MAST4: variants seen among roughly 807,000 people sequenced by gnomAD.
MAST4 encodes microtubule associated serine/threonine kinase family member 4.
In MAST4, 89 loss-of-function variants were observed where a neutral mutation model predicts 162.7. The observed-to-expected ratio is 0.55, with a 90% CI of 0.46 to 0.65. The LOEUF (loss-of-function observed/expected upper bound fraction) is 0.65, where lower values mean the gene tolerates loss of function less well. MAST4 is among the 30% of genes least tolerant of loss of function. The pLI is 0.00. For missense variants in MAST4, 3,153 were observed against 3,374.0 expected, an observed-to-expected ratio of 0.93 and a Z score of 1.62; for synonymous variants, 1,479 against 1,361.1, an observed-to-expected ratio of 1.09 and a Z score of -1.91.
At chr5:66,840,361 CAAGATTGATTT>C (rs1211863845) in intron 3 of MAST4, among the ~76,000 whole-genome samples, 1 of 152,022 alleles carries the variant, frequency 6.6e-6, no homozygotes, top group Non-Finnish European at 1.5e-5. Context: ...TATATTGATT[CAAGATTGATTT>C]GACTCTATTT....
Position 67,021,475 on chromosome 5 carries a change from A to C in MAST4, c.675-32929A>C, listed in dbSNP as rs190634011. ...AATACGCTAAAAAAAAATCATTACA[A>C]ATTGCAAATACCATATTTAGCAAGG... On this transcript the variant is annotated intron_variant, in intron 4 of 28. Transcript: ENST00000403625. Among the ~76,000 whole-genome samples, 26 of 152,344 alleles carry C rather than the reference A, an allele frequency of 1.7e-4. 1 individual carries two copies. The highest frequency in any genetic ancestry group is 6.0e-4 in the African/African-American group (25 of 41,578).
chr5:67,011,872 G>T lies in MAST4; in HGVS notation c.675-42532G>T, dbSNP rs1349045425. ...GGGAGGGAGGAAGCGAGGAAAGAGTGAGAGAGAAGGGAGAGAGAAATGTGT... is the reference window on the plus strand; with the variant it reads ...GGGAGGGAGGAAGCGAGGAAAGAGTTAGAGAGAAGGGAGAGAGAAATGTGT... On this transcript the variant is annotated intron_variant, in intron 4 of 28. Transcript: ENST00000403625. 2.6e-5 allele frequency among the ~76,000 whole-genome samples: 4 copies of T among 152,322 alleles called. No homozygotes were observed. In the East Asian group the frequency reaches 7.7e-4, roughly 29 times the overall value.
intron 1 of MAST4, among the ~76,000 whole-genome samples, chr5:66,694,659 G>A (rs1405178300): frequency 6.6e-6 from 1 of 151,938 alleles, no homozygotes; most frequent in Non-Finnish European, 1.5e-5. Context: ...GCTAATTTTT[G>A]TATTTTTAGT....
Position 67,130,369 on chromosome 5 carries a change from C to A in MAST4, c.1905C>A (p.Cys635Ter). 6.2e-7 allele frequency: 1 copy of A among 1,613,996 alleles called. No homozygotes were observed. The highest frequency in any genetic ancestry group is 8.5e-7 in the Non-Finnish European group (1 of 1,179,890). ...ACCCCTTTGTTGTCAGCATGTATTG[C>A]TCCTTTGAAACAAGGCGCCACTTGT... The part of the protein sequence containing the change: ...AENPFVVSMY[C>*]SFETRRHLCM... The change falls in exon 15 of 29, where the codon TGC (cysteine) becomes TGA (stop). Residue 635 changes from cysteine (C) to a stop codon, truncating the protein, a stop_gained. Transcript: ENST00000403625. LOFTEE classifies it high-confidence loss of function.
At chr5:67,011,523 A>G (rs1752669037) in intron 4 of MAST4, among the ~76,000 whole-genome samples, 1 of 152,076 alleles carries the variant, frequency 6.6e-6, no homozygotes, top group Admixed American at 6.6e-5. Context: ...CTAATATTCC[A>G]TGACGCCGTC....
chr5:67,102,228 A>G (rs1765107365), intron 8 of MAST4, among the ~76,000 whole-genome samples: 1 of 152,174 alleles, frequency 6.6e-6, no homozygotes, highest in Non-Finnish European at 1.5e-5. Context: ...ATGCAAGCTC[A>G]TACTACATGC....
chr5:66,659,230 A>T (rs1036052426), intron 1 of MAST4, among the ~76,000 whole-genome samples: 4 of 152,152 alleles, frequency 2.6e-5, no homozygotes, highest in Non-Finnish European at 5.9e-5. Flanking sequence ...TTCTGGGGGA[A>T]GTCCACAGCC....
intron 1 of MAST4, among the ~76,000 whole-genome samples, chr5:66,698,367 C>T (rs1749546406): frequency 6.6e-6 from 1 of 151,846 alleles, no homozygotes; most frequent in African/African-American, 2.4e-5. Context: ...CACCCCTTTC[C>T]ACCCATCCCC....
intron 1 of MAST4, among the ~76,000 whole-genome samples, chr5:66,673,253 C>T (rs1580161153): frequency 6.6e-6 from 1 of 152,124 alleles, no homozygotes; most frequent in East Asian, 1.9e-4. Context: ...TATAAATTAA[C>T]TTTGTCCATA....
chr5:66,989,517 G>A (rs1263994456), intron 4 of MAST4, among the ~76,000 whole-genome samples: 1 of 152,168 alleles, frequency 6.6e-6, no homozygotes, highest in Non-Finnish European at 1.5e-5. Context: ...AGGCACAGCA[G>A]GAATGCAGGT....
intron 2 of MAST4, among the ~76,000 whole-genome samples, chr5:66,779,463 T>C (rs2149656207): frequency 6.6e-6 from 1 of 151,916 alleles, no homozygotes; most frequent in South Asian, 2.1e-4. Flanking sequence ...ACTTCTGCAC[T>C]TTCTGGTCAC....
At chr5:66,734,766 T>C (rs1043440449) in intron 1 of MAST4, among the ~76,000 whole-genome samples, 23 of 152,230 alleles carry the variant, frequency 1.5e-4, no homozygotes, top group African/African-American at 5.5e-4. Flanking sequence ...TAGCCACATG[T>C]GGTTGGTGGC....
intron 1 of MAST4, among the ~76,000 whole-genome samples, chr5:66,753,962 T>C (rs1468111610): frequency 6.6e-6 from 1 of 151,108 alleles, no homozygotes; most frequent in Admixed American, 6.6e-5. Flanking sequence ...CATGATCAAG[T>C]GGGCTTCATC....
intron 19 of MAST4, among the ~76,000 whole-genome samples, chr5:67,138,476 C>T (rs1361284259): frequency 1.3e-5 from 2 of 152,054 alleles, no homozygotes; most frequent in Non-Finnish European, 2.9e-5. Context: ...CTCTGTCACC[C>T]AGGCTGGAGT....
chr5:66,698,899 C>T (rs902348545), intron 1 of MAST4, among the ~76,000 whole-genome samples: 5 of 152,212 alleles, frequency 3.3e-5, no homozygotes, highest in Non-Finnish European at 5.9e-5. Context: ...GGGACACCCC[C>T]GTTCTCACTT....
intron 5 of MAST4, among the ~76,000 whole-genome samples, chr5:67,056,098 TATAAG>T (rs1321326182): frequency 2.0e-5 from 3 of 151,088 alleles, no homozygotes; most frequent in Non-Finnish European, 4.4e-5. Context: ...ATTTTTATAA[TATAAG>T]AGCCTAAAGC....
intron 1 of MAST4, among the ~76,000 whole-genome samples, chr5:66,628,332 C>A (rs1266672453): frequency 7.6e-6 from 1 of 131,042 alleles, no homozygotes; most frequent in Non-Finnish European, 1.6e-5. Context: ...CGGTGCCTGA[C>A]TTTTTTTCTT....
chr5:66,651,757 C>T (rs1561238968), intron 1 of MAST4, among the ~76,000 whole-genome samples: 1 of 152,122 alleles, frequency 6.6e-6, no homozygotes, highest in Non-Finnish European at 1.5e-5. Context: ...CCTGCAGTCT[C>T]ATCTGAAAGC....
chr5:66,754,016 T>C (rs1223289294), intron 1 of MAST4, among the ~76,000 whole-genome samples: 2 of 151,850 alleles, frequency 1.3e-5, no homozygotes, highest in Non-Finnish European at 2.9e-5. Flanking sequence ...TCAATAAATG[T>C]AATCCATCAC....
Sources: allele counts gnomAD v4.1 joint callset (sites outside exome capture counted in the v4.1 genomes callset), GRCh38; gene constraint gnomAD v4.1.1; transcripts MANE v1.5; gene names NCBI Gene and HGNC (gene_info 2026-07-23, HGNC 2026-07-21).